The following PRSS50 variants were observed in gnomAD, a reference collection of about 807,000 sequenced individuals.
PRSS50 encodes serine protease 50.
PRSS50 carries 23 observed loss-of-function variants against 34.2 expected under a neutral mutation model. That is an observed-to-expected ratio of 0.67 (90% CI 0.48 to 0.95). The LOEUF (loss-of-function observed/expected upper bound fraction) is 0.95. Among genes scored for constraint, PRSS50 ranks in the 40% least tolerant of loss-of-function variants. The pLI is 0.00. For missense variants in PRSS50, 484 were observed against 513.4 expected (o/e 0.94, Z 0.55); for synonymous variants, 224 against 211.2 (o/e 1.06, Z -0.53).
In PRSS50 at chr3:46,717,864, C is replaced by G; in HGVS notation, c.-40G>C. 4.2e-6 allele frequency: 6 copies of G among 1,417,938 alleles called. No individual in the cohort carries two copies. The highest frequency in any genetic ancestry group is 1.5e-5 in the African/African-American group (1 of 67,700). 87.8% of individuals were successfully genotyped at this position (1,417,938 alleles called of 1,614,324 possible). A position where few individuals can be genotyped will look rare whatever the true frequency, so the allele number is the denominator to read the frequency against. ...CGACTGCGTCTCTCCGGAAGGCGCTCCCAGTGCCGCCCCCACGACGGCGCC... is the reference window on the plus strand; with the variant it reads ...CGACTGCGTCTCTCCGGAAGGCGCTGCCAGTGCCGCCCCCACGACGGCGCC... On this transcript the variant is annotated 5_prime_UTR_variant, in exon 1 of 6. Coordinates refer to ENST00000315170, the MANE Select transcript of PRSS50 (RefSeq NM_013270.5). This position sits in a 1 kb window ranked among gnomAD's most constrained non-coding sequence, Gnocchi z 4.5.
At chr3:46,712,552 C>G in intron 5 of PRSS50, 70 bp from the exon 6 acceptor site, 2 of 1,439,894 alleles carry the variant, frequency 1.4e-6, no homozygotes, top group African/African-American at 2.8e-5. Context: ...AGCTCCAGGA[C>G]AGGCGGGATG....
intron 5 of PRSS50, among the ~76,000 whole-genome samples, 200 bp downstream of exon 5, chr3:46,712,701 C>T (rs990920400): frequency 2.7e-5 from 4 of 150,720 alleles, no homozygotes; most frequent in Non-Finnish European, 4.4e-5. Context: ...CCCCACTCCT[C>T]TCACCTCCAA....
At chr3:46,714,191 C>T (rs769892564) in intron 4 of PRSS50, 27 bp downstream of exon 4, 8 of 1,606,044 alleles carry the variant, frequency 5.0e-6, no homozygotes, top group South Asian at 3.3e-5. Context: ...ACAGCACCCG[C>T]CCTGGTCTGC....
chr3:46,712,622 C>T, intron 5 of PRSS50, 140 bp from the exon 6 acceptor site: 1 of 833,248 alleles, frequency 1.2e-6, no homozygotes, highest in Non-Finnish European at 1.9e-6. Context: ...TGCTCCAGAC[C>T]CAGGAGCTCT....
intron 5 of PRSS50, 103 bp from the exon 6 acceptor site, chr3:46,712,585 T>C (rs935570909): frequency 1.8e-6 from 2 of 1,084,362 alleles, no homozygotes; most frequent in Non-Finnish European, 2.7e-6. Context: ...ACCTCCACAG[T>C]CCCCCAGTGC....
Position 46,715,469 on chromosome 3 carries a change from G to A in PRSS50, c.470+66C>T. On this transcript the variant is annotated intron_variant, in intron 3 of 5. Transcript: ENST00000315170. This position sits in a 1 kb window ranked among gnomAD's most constrained non-coding sequence, Gnocchi z 5.2. Reference sequence around the variant, plus strand: ...GTGGGCCCAGAACAGCTGGCAGGGAGGGGATGACTGGGCCCACAGCAGCTC... The same window carrying A: ...GTGGGCCCAGAACAGCTGGCAGGGAAGGGATGACTGGGCCCACAGCAGCTC... The A allele has an allele frequency of 6.4e-7, 1 of 1,558,734 alleles. No homozygotes were observed. Among genetic ancestry groups the A allele is most frequent in the Middle Eastern group, 1.7e-4 (1 of 5,854 alleles).
rs1373711296 is a variant in PRSS50 at position 46,717,082 on chromosome 3, C to T, written c.307+355G>A. ...GATCCCAGAGGTCCCTGGCTGGGAG[C>T]CTGGGTCAGAGGCATGATGGGTGTC... is the stretch of plus-strand genomic sequence containing the variant. On this transcript the variant is annotated intron_variant, in intron 2 of 5. Transcript: ENST00000315170. The surrounding 1 kb of genome is among the most constrained non-coding windows in gnomAD (Gnocchi z 4.5). 1.3e-5 allele frequency among the ~76,000 whole-genome samples: 2 copies of T among 152,186 alleles called. No individual in the cohort carries two copies. The highest frequency in any genetic ancestry group is 4.8e-5 in the African/African-American group (2 of 41,444).
chr3:46,713,291 G>A (rs191747851), intron 4 of PRSS50, among the ~76,000 whole-genome samples: 2 of 152,292 alleles, frequency 1.3e-5, no homozygotes, highest in African/African-American at 2.4e-5. Flanking sequence ...TTCCTGCAGT[G>A]CCCAGGCCAC....
chr3:46,717,537 C>T lies in PRSS50; in HGVS notation c.207G>A (p.Arg69=). The change falls in exon 2 of 6, where the codon CGG becomes CGA. Residue 69 remains arginine (R), a synonymous_variant. Coordinates refer to ENST00000315170, the MANE Select transcript of PRSS50 (RefSeq NM_013270.5). The surrounding 1 kb of genome is among the most constrained non-coding windows in gnomAD (Gnocchi z 4.5). ...TCGGGGTCTGCCAGAGAAGGCGAGG[C>T]CGGCTGGAAGGACAGGTGGCCTTGG... ...CVPKATCPSS[R]PRLLWQTPTT... is the part of the protein sequence containing the mutation. The T allele has an allele frequency of 6.2e-7, 1 of 1,613,766 alleles. No homozygotes were observed. Among genetic ancestry groups the T allele is most frequent in the Non-Finnish European group, 8.5e-7 (1 of 1,179,996 alleles).
At chr3:46,714,933 C>T (rs748926787) in intron 3 of PRSS50, among the ~76,000 whole-genome samples, 22 of 152,212 alleles carry the variant, frequency 1.4e-4, no homozygotes, top group Non-Finnish European at 2.4e-4. Flanking sequence ...CTGCGCACCC[C>T]GGGGTACCCC....
rs1221284553 is a variant in PRSS50 at position 46,712,464 on chromosome 3, A to G, written c.940T>C (p.Leu314=). 8 of 1,613,850 alleles carry G rather than the reference A, an allele frequency of 5.0e-6. No homozygotes were observed. Among genetic ancestry groups the G allele is most frequent in the South Asian group, 3.3e-5 (3 of 91,084 alleles). ...CACGTGCCCTCCATGGAGCAGACCA[A>G]GGGCTCTCCAGTTAGCTCCTGTGGG... ...KFCYELTGEP[L]VCSMEGTWYL... The change falls in exon 6 of 6, where the codon TTG becomes CTG. Residue 314 remains leucine, a synonymous_variant. Transcript: ENST00000315170.
Position 46,715,673 on chromosome 3 carries a change from T to C in PRSS50, c.332A>G (p.Asp111Gly). ...YRSCGFSYEQ[D>G]PTLRDPEAVA... ...GGCTTCTGGGTCCCTGAGGGTGGGG[T>C]CCTGCTCGTAGGAAAAGCCACAGGC... Residue 111 changes from aspartate (D) to glycine (G), a missense_variant, in exon 3 of 6, where the codon GAC (aspartate) becomes GGC (glycine). Asp to Gly is a moderately conservative substitution (Grantham distance 94). Transcript: ENST00000315170. The surrounding 1 kb of genome is among the most constrained non-coding windows in gnomAD (Gnocchi z 5.2). The C allele has an allele frequency of 6.2e-7, 1 of 1,607,130 alleles. No homozygotes were observed. Among genetic ancestry groups the C allele is most frequent in the Non-Finnish European group, 8.5e-7 (1 of 1,176,624 alleles).
chr3:46,713,100 C>T, intron 4 of PRSS50, 33 bp from the exon 5 acceptor site: 1 of 1,608,804 alleles, frequency 6.2e-7, no homozygotes, highest in Non-Finnish European at 8.5e-7. Context: ...GGCGCAGCCA[C>T]TCACCGCTGC....
At position 46,714,399 on chromosome 3, in the gene PRSS50, C is replaced by T. The variant is rs1327257288; in HGVS notation, c.573G>A (p.Arg191=). 1.2e-6 allele frequency: 2 copies of T among 1,613,374 alleles called. No individual in the cohort carries two copies. Among genetic ancestry groups the T allele is most frequent in the African/African-American group, 2.7e-5 (2 of 74,898 alleles). ...VPVLQVIMHS[R]YRAQRFWSWV... is the part of the protein sequence containing the mutation. ...AGGACCAGAACCGCTGGGCCCGGTA[C>T]CTGCTATGCATGATGACCTGGAGCA... Residue 191 remains arginine, a synonymous_variant, in exon 4 of 6, where the codon AGG becomes AGA. Transcript: ENST00000315170.
Position 46,714,435 on chromosome 3 carries a change from G to A in PRSS50, c.537C>T (p.Ser179=), listed in dbSNP as rs538659485. The A allele has an allele frequency of 8.1e-6, 13 of 1,611,358 alleles. No individual in the cohort carries two copies. Among genetic ancestry groups the A allele is most frequent in the Middle Eastern group, 1.7e-4 (1 of 6,054 alleles). The change falls in exon 4 of 6, where the codon TCC becomes TCT. Residue 179 remains serine, a synonymous_variant. Transcript: ENST00000315170. ...TGATGACCTGGAGCACCGGGACATCGGAGGCGGTCTGCGTCATCTGGTCAA... is the reference window on the plus strand; with the variant it reads ...TGATGACCTGGAGCACCGGGACATCAGAGGCGGTCTGCGTCATCTGGTCAA... The part of the protein sequence containing the change: ...PWIDQMTQTA[S]DVPVLQVIMH...
At chr3:46,712,557 G>C in intron 5 of PRSS50, 75 bp from the exon 6 acceptor site, 1 of 1,384,918 alleles carries the variant, frequency 7.2e-7, no homozygotes, top group Non-Finnish European at 1.0e-6. Flanking sequence ...CAGGACAGGC[G>C]GGATGTCCTC....
chr3:46,717,471 G>T lies in PRSS50; in HGVS notation c.273C>A (p.Phe91Leu). 1 of 1,613,952 alleles carries T rather than the reference G, an allele frequency of 6.2e-7. No individual in the cohort carries two copies. The highest frequency in any genetic ancestry group is 8.5e-7 in the Non-Finnish European group (1 of 1,180,016). The change falls in exon 2 of 6, where the codon TTC becomes TTA. Residue 91 changes from phenylalanine (F) to leucine (L), a missense_variant. Transcript: ENST00000315170. This position sits in a 1 kb window ranked among gnomAD's most constrained non-coding sequence, Gnocchi z 4.5. ...TLPSTTMETQFPVSEGKVDPY... is the reference protein window; with the variant it reads ...TLPSTTMETQLPVSEGKVDPY... The stretch of plus-strand genomic sequence containing the variant: ...GGTCGACTTTGCCTTCAGAAACTGG[G>T]AATTGGGTCTCCATGGTGGTCGAGG...
In PRSS50 at chr3:46,714,446, G is replaced by T; in HGVS notation, c.526C>A (p.Gln176Lys). Residue 176 changes from glutamine (Q) to lysine (K), a missense_variant, in exon 4 of 6, where the codon CAG (glutamine) becomes AAG (lysine). Physicochemically the swap from Gln to Lys is moderately conservative, Grantham distance 53. Coordinates refer to ENST00000315170, the MANE Select transcript of PRSS50 (RefSeq NM_013270.5). ...AGCACCGGGACATCGGAGGCGGTCTGCGTCATCTGGTCAATCCACGGACTC... is the reference window on the plus strand; with the variant it reads ...AGCACCGGGACATCGGAGGCGGTCTTCGTCATCTGGTCAATCCACGGACTC... ...VGSPWIDQMT[Q>K]TASDVPVLQV... 6.2e-7 allele frequency: 1 copy of T among 1,610,188 alleles called. No individual in the cohort carries two copies.
At position 46,717,461 on chromosome 3, in the gene PRSS50, C is replaced by G. The variant is rs1348610379; in HGVS notation, c.283G>C (p.Glu95Gln). The part of the protein sequence containing the change: ...TTMETQFPVS[E>Q]GKVDPYRSCG... ...CAGCGGTATGGGTCGACTTTGCCTT[C>G]AGAAACTGGGAATTGGGTCTCCATG... is the stretch of plus-strand genomic sequence containing the variant. Residue 95 changes from glutamate (E) to glutamine (Q), a missense_variant, in exon 2 of 6, where the codon GAA (glutamate) becomes CAA (glutamine). Coordinates refer to ENST00000315170, the MANE Select transcript of PRSS50 (RefSeq NM_013270.5). This position sits in a 1 kb window ranked among gnomAD's most constrained non-coding sequence, Gnocchi z 4.5. 1.2e-6 allele frequency: 2 copies of G among 1,613,910 alleles called. No homozygotes were observed. The highest frequency in any genetic ancestry group is 1.7e-6 in the Non-Finnish European group (2 of 1,180,012).
Sources: allele counts gnomAD v4.1 joint callset (sites outside exome capture counted in the v4.1 genomes callset), GRCh38; gene constraint gnomAD v4.1.1; non-coding constraint Gnocchi (gnomAD v3.1); transcripts MANE v1.5; gene names NCBI Gene and HGNC (gene_info 2026-07-23, HGNC 2026-07-21).